The following PTK2 variants were observed in gnomAD, a reference collection of about 807,000 sequenced individuals.
PTK2 encodes the protein focal adhesion kinase 1.
A neutral mutation model predicts 150.1 loss-of-function variants in PTK2; 45 were observed. That is an observed-to-expected ratio of 0.30 (90% CI 0.24 to 0.38). The LOEUF (loss-of-function observed/expected upper bound fraction) is 0.38. Ranked by LOEUF, PTK2 falls within the 10% of genes least tolerant of loss-of-function variation. The pLI is 1.00. For synonymous variants in PTK2, 432 were observed against 449.2 expected (o/e 0.96, Z 0.48); for missense variants, 919 against 1,307.3 (o/e 0.70, Z 4.58).
At chr8:140,993,692 C>CA (rs1335619039) in intron 1 of PTK2, among the ~76,000 whole-genome samples, 1 of 151,928 alleles carries the variant, frequency 6.6e-6, no homozygotes, top group Non-Finnish European at 1.5e-5. Context: ...AATATGAGGG[C>CA]AAAAAAGAGA....
intron 30 of PTK2, among the ~76,000 whole-genome samples, chr8:140,667,940 T>C (rs2093333816): frequency 6.6e-6 from 1 of 152,234 alleles, no homozygotes. Context: ...CAAGTTTACA[T>C]AAATGGCATC....
chr8:140,700,082 G>C (rs540573101), intron 26 of PTK2, among the ~76,000 whole-genome samples: 2 of 152,278 alleles, frequency 1.3e-5, no homozygotes, highest in African/African-American at 4.8e-5. Context: ...AGAAACACTA[G>C]TGGTTTTAAC....
intron 26 of PTK2, among the ~76,000 whole-genome samples, chr8:140,697,136 GGAA>G (rs1590829783): frequency 2.3e-5 from 1 of 43,326 alleles, no homozygotes; most frequent in Non-Finnish European, 4.1e-5. Flanking sequence ...CCTGTTTCCG[GGAA>G]AAAAAAAAAA....
intron 4 of PTK2, among the ~76,000 whole-genome samples, chr8:140,871,549 A>G (rs1428201293): frequency 1.3e-5 from 2 of 152,228 alleles, no homozygotes; most frequent in East Asian, 3.8e-4. Context: ...CTGTAATCTC[A>G]GTACTTTAGG....
chr8:140,961,118 C>T (rs1230419153), intron 1 of PTK2, among the ~76,000 whole-genome samples: 3 of 152,230 alleles, frequency 2.0e-5, no homozygotes, highest in African/African-American at 7.2e-5. Context: ...AGTTCTATCA[C>T]TAGAGCAAGT....
intron 1 of PTK2, among the ~76,000 whole-genome samples, chr8:140,999,543 T>C (rs556840637): frequency 2.0e-5 from 3 of 152,332 alleles, no homozygotes; most frequent in African/African-American, 7.2e-5. Context: ...CATAGGGCTT[T>C]TCTAATTAAT....
At chr8:140,711,091 T>G (rs1297135678) in intron 23 of PTK2, among the ~76,000 whole-genome samples, 1 of 151,090 alleles carries the variant, frequency 6.6e-6, no homozygotes, top group South Asian at 2.1e-4. Flanking sequence ...GCATGTGCAA[T>G]CACACCCAGC....
intron 14 of PTK2, 87 bp from the exon 17 acceptor site, chr8:140,764,377 G>A: frequency 9.9e-7 from 1 of 1,010,420 alleles, no homozygotes; most frequent in Non-Finnish European, 1.5e-6. Flanking sequence ...AAAGCGATCT[G>A]CTTAAATCCT....
intron 17 of PTK2, among the ~76,000 whole-genome samples, chr8:140,748,140 C>T (rs1286893810): frequency 6.6e-6 from 1 of 152,110 alleles, no homozygotes; most frequent in Non-Finnish European, 1.5e-5. Context: ...ATAAATGGTT[C>T]CTGCATCCAC....
intron 26 of PTK2, among the ~76,000 whole-genome samples, chr8:140,699,292 G>A (rs2100028790): frequency 6.6e-6 from 1 of 152,148 alleles, no homozygotes; most frequent in Non-Finnish European, 1.5e-5. Context: ...TACGATTGAG[G>A]CAACTACAGG....
At chr8:140,889,240 T>G (rs1431487581) in intron 3 of PTK2, among the ~76,000 whole-genome samples, 3 of 152,186 alleles carry the variant, frequency 2.0e-5, no homozygotes, top group Non-Finnish European at 2.9e-5. Flanking sequence ...TTTTTTCTTT[T>G]TTTTCTTTTG....
At chr8:140,935,922 C>T (rs1174446732) in intron 1 of PTK2, among the ~76,000 whole-genome samples, 2 of 152,086 alleles carry the variant, frequency 1.3e-5, no homozygotes, top group African/African-American at 4.8e-5. Context: ...GCTGGGATTA[C>T]AGGTGTAAGC....
intron 1 of PTK2, among the ~76,000 whole-genome samples, chr8:140,926,400 C>T (rs763126859): frequency 3.3e-5 from 5 of 152,130 alleles, no homozygotes; most frequent in Non-Finnish European, 5.9e-5. Context: ...CCAGATGCTA[C>T]AAAGGTTTCC....
At chr8:140,768,932 A>G (rs900244372) in intron 14 of PTK2, among the ~76,000 whole-genome samples, 3 of 152,188 alleles carry the variant, frequency 2.0e-5, no homozygotes, top group African/African-American at 7.2e-5. Flanking sequence ...TTTAATCAGG[A>G]GGAAAAAAAT....
At chr8:140,725,778 A>G (rs368497620) in intron 22 of PTK2, among the ~76,000 whole-genome samples, 1 of 152,006 alleles carries the variant, frequency 6.6e-6, no homozygotes, top group African/African-American at 2.4e-5. Flanking sequence ...CTCACAGCGG[A>G]AAGAGGCTCT....
At chr8:140,824,004 C>T (rs1359690377) in intron 8 of PTK2, among the ~76,000 whole-genome samples, 1 of 152,148 alleles carries the variant, frequency 6.6e-6, no homozygotes, top group Non-Finnish European at 1.5e-5. Context: ...CATCTGATGA[C>T]TAAGAATCTT....
intron 14 of PTK2, among the ~76,000 whole-genome samples, chr8:140,783,086 CA>C (rs896512730): frequency 6.3e-4 from 96 of 151,778 alleles, no homozygotes; most frequent in Middle Eastern, 3.4e-3. Context: ...AAAAAAAATA[CA>C]AAAATTTGCT....
intron 3 of PTK2, among the ~76,000 whole-genome samples, chr8:140,886,656 A>G (rs2100152427): frequency 6.6e-6 from 1 of 152,170 alleles, no homozygotes; most frequent in African/African-American, 2.4e-5. Flanking sequence ...TTTCAAAGAG[A>G]GCCCATGCTA....
chr8:140,844,957 C>T (rs2100124472), intron 7 of PTK2, among the ~76,000 whole-genome samples: 1 of 152,146 alleles, frequency 6.6e-6, no homozygotes, highest in Admixed American at 6.5e-5. Context: ...TGGCCCACGA[C>T]AGAAAACCAA....
Sources: gnomAD v4.1 joint callset for allele counts (sites outside exome capture counted in the v4.1 genomes callset) on GRCh38, gnomAD v4.1.1 for gene constraint, MANE v1.5 for transcripts, NCBI Gene and HGNC (gene_info 2026-07-23, HGNC 2026-07-21) for gene names.